ZNF222: variants seen among roughly 807,000 people sequenced by gnomAD.
ZNF222 encodes the protein zinc finger protein 222.
ZNF222 carries 8 observed loss-of-function variants against 11.6 expected under a neutral mutation model. That is an observed-to-expected ratio of 0.69 (90% CI 0.41 to 1.25). ZNF222 has a LOEUF of 1.25. ZNF222 is among the 50% of genes most tolerant of loss of function. ZNF222 has a pLI of 0.01. For missense variants in ZNF222, 483 were observed against 576.1 expected (o/e 0.84, Z 1.65); for synonymous variants, 171 against 195.6 (o/e 0.87, Z 1.05).
Position 44,025,421 on chromosome 19 carries a change from G to A in ZNF222, c.-16G>A. 6.4e-7 allele frequency: 1 copy of A among 1,551,592 alleles called. No homozygotes were observed. The highest frequency in any genetic ancestry group is 8.7e-7 in the Non-Finnish European group (1 of 1,146,972). On this transcript the variant is annotated 5_prime_UTR_variant, in exon 1 of 4. Coordinates refer to ENST00000391960, the MANE Select transcript of ZNF222 (RefSeq NM_001129996.2). The surrounding 1 kb of genome is among the most constrained non-coding windows in gnomAD (Gnocchi z 4.6). ...TTCCGAACGAGTCTCCTTTCCTTGG[G>A]GCTCGCAACCACCCAATGATCGATT...
Position 44,029,119 on chromosome 19 carries a change from C to T in ZNF222, c.262+1629C>T, listed in dbSNP as rs75961260. Among the ~76,000 whole-genome samples, 743 of 151,136 alleles carry T rather than the reference C, an allele frequency of 4.9e-3. 10 individuals carry two copies. The highest frequency in any genetic ancestry group is 0.017 in the African/African-American group (696 of 41,028). ...ACTTCTGATGCACTGTTGGTTGAATCCATGTATGCTGAACCCACAGATATA... is the reference window on the plus strand; with the variant it reads ...ACTTCTGATGCACTGTTGGTTGAATTCATGTATGCTGAACCCACAGATATA... On this transcript the variant is annotated intron_variant, in intron 3 of 3. Transcript: ENST00000391960.
chr19:44,025,405 A>C lies in ZNF222; in HGVS notation c.-32A>C, dbSNP rs1343503526. 1.9e-6 allele frequency: 3 copies of C among 1,551,230 alleles called. No individual in the cohort carries two copies. The Admixed American group carries it at 5.9e-5, about 30-fold the overall frequency. ...CACATCTTGCGAGTCCTTCCGAACG[A>C]GTCTCCTTTCCTTGGGGCTCGCAAC... On this transcript the variant is annotated 5_prime_UTR_variant, in exon 1 of 4. Transcript: ENST00000391960. The surrounding 1 kb of genome is among the most constrained non-coding windows in gnomAD (Gnocchi z 4.6).
rs7258517 is a variant in ZNF222 at position 44,031,846 on chromosome 19, G to T, written c.292G>T (p.Val98Phe). 1,058,112 of 1,613,584 alleles carry T rather than the reference G, an allele frequency of 0.66. 361,973 individuals are homozygous for T. Among genetic ancestry groups the T allele is most frequent in the Non-Finnish European group, 0.71 (840,277 of 1,179,748 alleles). The change falls in exon 4 of 4, where the codon GTT (valine) becomes TTT (phenylalanine). Residue 98 changes from valine (V) to phenylalanine (F), a missense_variant. Physicochemically the swap from Val to Phe is conservative, Grantham distance 50. Transcript: ENST00000391960. ...GGKIQTEMETVPEAGTHEEFS... is the reference protein window; with the variant it reads ...GGKIQTEMETFPEAGTHEEFS... ...CAAGATCCAAACTGAGATGGAGACT[G>T]TTCCAGAAGCAGGAACACATGAAGA... is the stretch of plus-strand genomic sequence containing the variant.
chr19:44,029,186 GTTTT>G (rs1008772971), intron 3 of ZNF222, among the ~76,000 whole-genome samples: 4 of 97,852 alleles, frequency 4.1e-5, no homozygotes, highest in South Asian at 3.2e-4. Flanking sequence ...GGTTTGTTTT[GTTTT>G]GTTTTTTTTT....
rs1976531506 is a variant in ZNF222 at position 44,032,610 on chromosome 19, A to G, written c.1056A>G (p.Pro352=). Residue 352 remains proline (P), a synonymous_variant, in exon 4 of 4, where the codon CCA becomes CCG. Transcript: ENST00000391960. Reference sequence around the variant, plus strand: ...AGATGATTCATATGGGACAGAAACCATATAATTGTAAAGAATGTGGGAAGA... The same window carrying G: ...AGATGATTCATATGGGACAGAAACCGTATAATTGTAAAGAATGTGGGAAGA... The part of the protein sequence containing the change: ...KHQMIHMGQK[P]YNCKECGKSF... The G allele has an allele frequency of 3.1e-6, 5 of 1,614,136 alleles. No homozygotes were observed. In the South Asian group the frequency reaches 5.5e-5, roughly 18 times the overall value.
chr19:44,029,192 T>G (rs1464260693), intron 3 of ZNF222, among the ~76,000 whole-genome samples: 4 of 73,330 alleles, frequency 5.5e-5, no homozygotes, highest in East Asian at 3.7e-4. Flanking sequence ...TTTTGTTTTG[T>G]TTTTTTTTTT....
intron 3 of ZNF222, among the ~76,000 whole-genome samples, chr19:44,030,671 A>G (rs1485189532): frequency 2.0e-5 from 3 of 152,208 alleles, no homozygotes; most frequent in Non-Finnish European, 4.4e-5. Flanking sequence ...TGTCAGGATT[A>G]GCATGTGACT....
At chr19:44,028,816 A>G (rs1188500339) in intron 3 of ZNF222, among the ~76,000 whole-genome samples, 1 of 152,216 alleles carries the variant, frequency 6.6e-6, no homozygotes, top group African/African-American at 2.4e-5. Context: ...ACAAGAGTGA[A>G]TGTTATATAG....
At chr19:44,026,542 C>CTATATA (rs540736672) in intron 1 of ZNF222, among the ~76,000 whole-genome samples, 6 of 114,914 alleles carry the variant, frequency 5.2e-5, no homozygotes, top group African/African-American at 1.6e-4. Flanking sequence ...CTCTCTCTCT[C>CTATATA]TATATATATA....
rs1446096256 is a variant in ZNF222, at chr19:44,027,116, A to G, written c.136A>G (p.Met46Val). Residue 46 changes from methionine to valine, a missense_variant, in exon 2 of 4, where the codon ATG (methionine) becomes GTG (valine). Met to Val is a conservative substitution (Grantham distance 21). Transcript: ENST00000391960. ...PAQRKLYRDV[M>V]LENFRNLLSV... Reference sequence around the variant, plus strand: ...CCAGAGGAAGCTGTACCGAGATGTGATGCTTGAGAACTTCAGGAACCTGCT... The same window carrying G: ...CCAGAGGAAGCTGTACCGAGATGTGGTGCTTGAGAACTTCAGGAACCTGCT... The G allele has an allele frequency of 6.2e-7, 1 of 1,614,006 alleles. No homozygotes were observed. Among genetic ancestry groups the G allele is most frequent in the South Asian group, 1.1e-5 (1 of 91,054 alleles).
chr19:44,028,300 C>T, intron 3 of ZNF222: 2 of 398,756 alleles, frequency 5.0e-6, no homozygotes, highest in East Asian at 7.1e-5. Context: ...GCATCTGTAG[C>T]TTTAATCTCC....
At position 44,027,131 on chromosome 19, in the gene ZNF222, A is replaced by G; in HGVS notation, c.151A>G (p.Arg51Gly). 6.2e-7 allele frequency: 1 copy of G among 1,614,042 alleles called. No individual in the cohort carries two copies. The highest frequency in any genetic ancestry group is 8.5e-7 in the Non-Finnish European group (1 of 1,179,978). ...LYRDVMLENF[R>G]NLLSVGHQPF... Reference sequence around the variant, plus strand: ...CCGAGATGTGATGCTTGAGAACTTCAGGAACCTGCTCTCAGTGGGTGAGGA... The same window carrying G: ...CCGAGATGTGATGCTTGAGAACTTCGGGAACCTGCTCTCAGTGGGTGAGGA... Residue 51 changes from arginine (R) to glycine (G), a missense_variant, in exon 2 of 4, where the codon AGG (arginine) becomes GGG (glycine). Physicochemically the swap from Arg to Gly is moderately radical, Grantham distance 125. Coordinates refer to ENST00000391960, the MANE Select transcript of ZNF222 (RefSeq NM_001129996.2).
At chr19:44,026,168 G>C (rs920837352) in intron 1 of ZNF222, 5 of 1,402,560 alleles carry the variant, frequency 3.6e-6, no homozygotes, top group Admixed American at 3.7e-5. Flanking sequence ...TCGGGCATGG[G>C]TGTCGATAAT....
intron 3 of ZNF222, among the ~76,000 whole-genome samples, chr19:44,030,585 A>T (rs1348046965): frequency 6.6e-6 from 1 of 152,230 alleles, no homozygotes; most frequent in African/African-American, 2.4e-5. Flanking sequence ...AGAGAAACTA[A>T]ATAAGACAGA....
intron 3 of ZNF222, among the ~76,000 whole-genome samples, chr19:44,030,214 C>G (rs550850071): frequency 3.2e-4 from 48 of 152,320 alleles, no homozygotes; most frequent in Admixed American, 2.3e-3. Context: ...CTACAGTTGT[C>G]TGTCCCTGTA....
chr19:44,027,618 G>T, intron 3 of ZNF222, 128 bp downstream of exon 3: 1 of 882,496 alleles, frequency 1.1e-6, no homozygotes, highest in Non-Finnish European at 1.8e-6. Flanking sequence ...CCCTGCTGAT[G>T]CCCCTGCTCC....
rs1424092707 is a variant in ZNF222 at position 44,032,564 on chromosome 19, G to A, written c.1010G>A (p.Arg337Lys). The change falls in exon 4 of 4, where the codon AGG becomes AAG. Residue 337 changes from arginine to lysine, a missense_variant. Coordinates refer to ENST00000391960, the MANE Select transcript of ZNF222 (RefSeq NM_001129996.2). ...SEKYGRGFID[R>K]LDLHKHQMIH... Reference sequence around the variant, plus strand: ...AAGTATGGAAGAGGTTTCATTGATAGGCTAGATTTGCATAAGCATCAGATG... The same window carrying A: ...AAGTATGGAAGAGGTTTCATTGATAAGCTAGATTTGCATAAGCATCAGATG... 1 of 1,614,174 alleles carries A rather than the reference G, an allele frequency of 6.2e-7. No individual in the cohort carries two copies. Among genetic ancestry groups the A allele is most frequent in the Admixed American group, 1.7e-5 (1 of 60,030 alleles).
At chr19:44,026,817 T>C in intron 1 of ZNF222, among the ~76,000 whole-genome samples, 1 of 152,192 alleles carries the variant, frequency 6.6e-6, no homozygotes. Context: ...CCCTGTTGAC[T>C]GGTGTGTGCA....
chr19:44,028,979 C>G (rs149167965), intron 3 of ZNF222, among the ~76,000 whole-genome samples: 132 of 152,222 alleles, frequency 8.7e-4, no homozygotes, highest in African/African-American at 3.1e-3. Flanking sequence ...TTAGGTATAA[C>G]ACCAAACGCA....
Sources: gnomAD v4.1 joint callset for allele counts (sites outside exome capture counted in the v4.1 genomes callset) on GRCh38, gnomAD v4.1.1 for gene constraint, Gnocchi (gnomAD v3.1) non-coding constraint, MANE v1.5 for transcripts, NCBI Gene and HGNC (gene_info 2026-07-23, HGNC 2026-07-21) for gene names.